The following CATSPERE variants were observed in gnomAD, a reference collection of about 807,000 sequenced individuals.
The protein encoded by CATSPERE is catsper channel auxiliary subunit epsilon, also known as cation channel sperm-associated auxiliary subunit epsilon.
Under a neutral mutation model 114.1 loss-of-function variants are expected in CATSPERE, and 93 were observed. The ratio of observed to expected loss-of-function variants is 0.81; its 90% CI spans 0.69 to 0.97. The LOEUF is 0.97. CATSPERE is among the 50% of genes least tolerant of loss of function. The pLI is 0.00. For synonymous variants in CATSPERE, 341 were observed against 384.1 expected (o/e 0.89, Z 1.31); for missense variants, 1,058 against 1,131.6 (o/e 0.93, Z 0.93).
At chr1:244,459,423 G>C (rs1407102728), upstream of CATSPERE, among the ~76,000 whole-genome samples, 1 of 152,160 alleles carries the variant, frequency 6.6e-6, no homozygotes, top group Non-Finnish European at 1.5e-5. Context: ...TCATGGAACA[G>C]AGTTCTATCA....
intron 11 of CATSPERE, among the ~76,000 whole-genome samples, chr1:244,579,038 C>T (rs920217080): frequency 6.6e-6 from 1 of 151,808 alleles, no homozygotes; most frequent in Non-Finnish European, 1.5e-5. Flanking sequence ...TCAAGGTTTA[C>T]AGTATTGCAC....
At position 244,575,990 on chromosome 1, in the gene CATSPERE, G is replaced by A. The variant is rs1234283883; in HGVS notation, c.1950+3218G>A. 7.2e-5 allele frequency among the ~76,000 whole-genome samples: 11 copies of A among 152,008 alleles called. No individual in the cohort carries two copies. Among genetic ancestry groups the A allele is most frequent in the South Asian group, 2.1e-4 (1 of 4,794 alleles). On this transcript the variant is annotated intron_variant, in intron 11 of 21. Coordinates refer to ENST00000366534, the MANE Select transcript of CATSPERE (RefSeq NM_001130957.2). This position sits in a 1 kb window ranked among gnomAD's most constrained non-coding sequence, Gnocchi z 4.5. ...CTAAGGAATGCTCTACTGCCTCTGC[G>A]GTGTCTGTTTCCTTGGTATATCCTG... is the stretch of plus-strand genomic sequence containing the variant.
At chr1:244,571,492 T>C (rs559369464) in intron 10 of CATSPERE, among the ~76,000 whole-genome samples, 3 of 152,186 alleles carry the variant, frequency 2.0e-5, no homozygotes, top group African/African-American at 7.2e-5. Flanking sequence ...AGTTACCCAC[T>C]ATGACCCACT....
intron 17 of CATSPERE, among the ~76,000 whole-genome samples, chr1:244,603,184 T>C (rs572161139): frequency 5.9e-4 from 90 of 152,234 alleles, no homozygotes; most frequent in African/African-American, 2.1e-3. Context: ...CTGGAAGAGT[T>C]GGTTACTATC....
chr1:244,519,187 T>C (rs899348369), intron 8 of CATSPERE, among the ~76,000 whole-genome samples: 16 of 152,164 alleles, frequency 1.1e-4, no homozygotes, highest in Admixed American at 6.5e-5. Context: ...CTGCCTTCAA[T>C]AATCTTTCAT....
chr1:244,636,058 G>A (rs1674593852), intron 21 of CATSPERE, among the ~76,000 whole-genome samples: 1 of 152,192 alleles, frequency 6.6e-6, no homozygotes, highest in South Asian at 2.1e-4. Flanking sequence ...AGAATGCAGT[G>A]GTAGGGATTG....
In CATSPERE at chr1:244,573,694, G is replaced by A. The variant is rs551856058; in HGVS notation, c.1950+922G>A. On this transcript the variant is annotated intron_variant, in intron 11 of 21. Transcript: ENST00000366534. The surrounding 1 kb of genome is among the most constrained non-coding windows in gnomAD (Gnocchi z 4.0). ...CAGTCTCAGGGCAGTGTTCCAAGACGGTGAGAGCAGAAGCCTAGGTTTGGC... is the reference window on the plus strand; with the variant it reads ...CAGTCTCAGGGCAGTGTTCCAAGACAGTGAGAGCAGAAGCCTAGGTTTGGC... Among the ~76,000 whole-genome samples, 97 of 152,268 alleles carry A rather than the reference G, an allele frequency of 6.4e-4. No individual in the cohort carries two copies. In the South Asian group the frequency reaches 8.1e-3, roughly 13 times the overall value.
At chr1:244,565,464 G>A (rs1007744268) in intron 10 of CATSPERE, among the ~76,000 whole-genome samples, 1 of 152,164 alleles carries the variant, frequency 6.6e-6, no homozygotes, top group East Asian at 1.9e-4. Flanking sequence ...ACTTCTTCCT[G>A]GTTTCATTTT....
rs184329207 is a variant in CATSPERE, at chr1:244,595,748, A to G, written c.2303+2170A>G. ...AGATCAAGACCATCCTGGCTAACACAGTGAAACCCTGTCTCTACTAAAAAT... is the reference window on the plus strand; with the variant it reads ...AGATCAAGACCATCCTGGCTAACACGGTGAAACCCTGTCTCTACTAAAAAT... On this transcript the variant is annotated intron_variant, in intron 17 of 21. Coordinates refer to ENST00000366534, the MANE Select transcript of CATSPERE (RefSeq NM_001130957.2). 1.8e-3 allele frequency among the ~76,000 whole-genome samples: 277 copies of G among 152,234 alleles called. 3 individuals are homozygous for G. In the East Asian group the frequency reaches 0.03, roughly 16 times the overall value.
intron 8 of CATSPERE, among the ~76,000 whole-genome samples, chr1:244,529,351 A>C (rs1408274840): frequency 1.3e-5 from 2 of 152,122 alleles, no homozygotes; most frequent in African/African-American, 4.8e-5. Context: ...TTTGGATGAA[A>C]TCCATCTTAA....
chr1:244,562,389 C>T (rs1662711585), intron 10 of CATSPERE, among the ~76,000 whole-genome samples: 1 of 152,018 alleles, frequency 6.6e-6, no homozygotes, highest in South Asian at 2.1e-4. Flanking sequence ...ACAAATAATG[C>T]TGCAGAAAAT....
chr1:244,509,746 A>G (rs1675394583), intron 7 of CATSPERE, among the ~76,000 whole-genome samples: 1 of 152,158 alleles, frequency 6.6e-6, no homozygotes. Context: ...TGGAGATTCA[A>G]TCCTGTTACT....
chr1:244,562,804 A>G (rs1190142086), intron 10 of CATSPERE, among the ~76,000 whole-genome samples: 1 of 152,086 alleles, frequency 6.6e-6, no homozygotes. Context: ...TTACATAGGT[A>G]TACACGTGCC....
intron 14 of CATSPERE, among the ~76,000 whole-genome samples, chr1:244,589,438 T>C (rs1418351729): frequency 4.6e-5 from 7 of 152,200 alleles, no homozygotes; most frequent in Admixed American, 4.6e-4. Flanking sequence ...CACCCGTAAT[T>C]CCTTTCCCAG....
chr1:244,591,277 C>T (rs1667686868), intron 14 of CATSPERE, among the ~76,000 whole-genome samples: 1 of 149,014 alleles, frequency 6.7e-6, no homozygotes, highest in Non-Finnish European at 1.5e-5. Flanking sequence ...AAACACTTCA[C>T]ATCTACTCTC....
intron 8 of CATSPERE, among the ~76,000 whole-genome samples, chr1:244,527,176 T>C (rs1327258314): frequency 6.6e-6 from 1 of 152,118 alleles, no homozygotes; most frequent in Non-Finnish European, 1.5e-5. Context: ...CAAAATTTAT[T>C]AGGGGGTAAT....
chr1:244,557,495 T>G (rs1463448283), intron 9 of CATSPERE, among the ~76,000 whole-genome samples: 11 of 135,750 alleles, frequency 8.1e-5, no homozygotes, highest in Non-Finnish European at 1.6e-4. Flanking sequence ...TATATATTTA[T>G]TTATATATAT....
Position 244,475,537 on chromosome 1 carries a change from AT to A in CATSPERE, c.115-1986del, listed in dbSNP as rs35023936. 5.6e-3 allele frequency among the ~76,000 whole-genome samples: 660 copies of A among 117,100 alleles called. 4 individuals are homozygous for A. The highest frequency in any genetic ancestry group is 0.016 in the African/African-American group (494 of 30,022). The allele number at this position is 117,100 out of a possible 152,430, so 76.8% of individuals were successfully genotyped here. ...GTGTGAGCCACTGCACCTGGCCACA[AT>A]TTTTTTTTTTTTTTTTTGAGACGGA... On this transcript the variant is annotated intron_variant, in intron 2 of 21. Coordinates refer to ENST00000366534, the MANE Select transcript of CATSPERE (RefSeq NM_001130957.2).
chr1:244,594,684 C>G lies in CATSPERE; in HGVS notation c.2303+1106C>G, dbSNP rs1346484257. 2.6e-5 allele frequency among the ~76,000 whole-genome samples: 4 copies of G among 152,066 alleles called. No homozygotes were observed. In the East Asian group the frequency reaches 7.7e-4, roughly 29 times the overall value. On this transcript the variant is annotated intron_variant, in intron 17 of 21. Coordinates refer to ENST00000366534, the MANE Select transcript of CATSPERE (RefSeq NM_001130957.2). ...AAGGCTTTCAGCTTTTGGGGACCTC[C>G]TAGGCTGCAGACAGCTTCTGAGATC...
Sources: gnomAD v4.1 joint callset for allele counts (sites outside exome capture counted in the v4.1 genomes callset) on GRCh38, gnomAD v4.1.1 for gene constraint, Gnocchi (gnomAD v3.1) non-coding constraint, MANE v1.5 for transcripts, NCBI Gene and HGNC (gene_info 2026-07-23, HGNC 2026-07-21) for gene names.